Variants in NELL2 observed in about 807,000 individuals in gnomAD.
NELL2 encodes neural EGFL like 2, also known as protein kinase C-binding protein NELL2.
NELL2 carries 41 observed loss-of-function variants against 109.6 expected under a neutral mutation model. The observed-to-expected ratio is 0.37, with a 90% CI of 0.29 to 0.49. The LOEUF (loss-of-function observed/expected upper bound fraction) is 0.49, where lower values mean the gene tolerates loss of function less well. Ranked by LOEUF, NELL2 falls within the 20% of genes least tolerant of loss-of-function variation. NELL2 has a pLI of 0.98. For synonymous variants in NELL2, 355 were observed against 344.7 expected (o/e 1.03, Z -0.33); for missense variants, 900 against 1,008.3 (o/e 0.89, Z 1.45).
At chr12:44,732,144 C>A (rs896820289) in intron 9 of NELL2, among the ~76,000 whole-genome samples, 3 of 151,878 alleles carry the variant, frequency 2.0e-5, no homozygotes, top group Non-Finnish European at 2.9e-5. Context: ...TTTGTACTAT[C>A]CAAAACAATC....
At chr12:44,632,644 A>G (rs1270137979) in intron 13 of NELL2, among the ~76,000 whole-genome samples, 1 of 152,110 alleles carries the variant, frequency 6.6e-6, no homozygotes. Context: ...AAAAAAAATC[A>G]GATTAATTAA....
chr12:44,730,073 G>A (rs191408936), intron 9 of NELL2, among the ~76,000 whole-genome samples: 38 of 152,006 alleles, frequency 2.5e-4, no homozygotes, highest in Non-Finnish European at 4.7e-4. Context: ...AAGACAAGAG[G>A]GTTTATATAC....
intron 9 of NELL2, among the ~76,000 whole-genome samples, chr12:44,739,945 C>T (rs1424765940): frequency 6.6e-6 from 1 of 152,158 alleles, no homozygotes; most frequent in African/African-American, 2.4e-5. Flanking sequence ...CATGATCATT[C>T]ATTTTCATTT....
chr12:44,914,994 C>T (rs1945817349), upstream of NELL2, among the ~76,000 whole-genome samples: 1 of 151,206 alleles, frequency 6.6e-6, no homozygotes, highest in Admixed American at 6.6e-5. Context: ...GGACTACAGG[C>T]ACTCGCCACC....
chr12:44,622,311 T>C (rs1310318286), intron 13 of NELL2, among the ~76,000 whole-genome samples: 1 of 152,154 alleles, frequency 6.6e-6, no homozygotes, highest in Non-Finnish European at 1.5e-5. Flanking sequence ...TGTGTTTTCA[T>C]GTCAGTGCTG....
At chr12:44,692,856 T>G (rs1948941818) in intron 12 of NELL2, among the ~76,000 whole-genome samples, 1 of 152,180 alleles carries the variant, frequency 6.6e-6, no homozygotes, top group Non-Finnish European at 1.5e-5. Context: ...GAGAAATTGT[T>G]TCTTATGAAT....
At chr12:44,675,507 G>T (rs1948277396) in intron 12 of NELL2, among the ~76,000 whole-genome samples, 1 of 152,090 alleles carries the variant, frequency 6.6e-6, no homozygotes, top group Non-Finnish European at 1.5e-5. Flanking sequence ...TTAGAAACTA[G>T]AATTTATACA....
chr12:44,556,836 T>C lies in NELL2; in HGVS notation c.1664-24115A>G, dbSNP rs78429052. On this transcript the variant is annotated intron_variant, in intron 15 of 19. Coordinates refer to ENST00000429094, the MANE Select transcript of NELL2 (RefSeq NM_001145108.2). ...CCAAACAAAGGGAAGAGCCTGTGCA[T>C]GGACATGGGATGACGACAATGATGG... 4.6e-3 allele frequency among the ~76,000 whole-genome samples: 702 copies of C among 152,272 alleles called. 6 individuals carry two copies. The highest frequency in any genetic ancestry group is 0.016 in the African/African-American group (660 of 41,544).
At chr12:44,578,702 C>T (rs1360744752) in intron 15 of NELL2, among the ~76,000 whole-genome samples, 1 of 151,698 alleles carries the variant, frequency 6.6e-6, no homozygotes, top group African/African-American at 2.4e-5. Flanking sequence ...AAGAGATCCA[C>T]CCAGCAACAA....
At chr12:44,529,668 A>G (rs1941954907) in intron 16 of NELL2, among the ~76,000 whole-genome samples, 1 of 152,194 alleles carries the variant, frequency 6.6e-6, no homozygotes, top group Non-Finnish European at 1.5e-5. Context: ...TTATGTTTCG[A>G]GAGAAAGGAA....
intron 15 of NELL2, among the ~76,000 whole-genome samples, chr12:44,595,901 C>G (rs1944944897): frequency 6.6e-6 from 1 of 152,142 alleles, no homozygotes; most frequent in South Asian, 2.1e-4. Flanking sequence ...CAGCTGTTTG[C>G]TTGCCTCCTA....
At chr12:44,715,239 A>C (rs879532912) in intron 9 of NELL2, among the ~76,000 whole-genome samples, 3 of 149,906 alleles carry the variant, frequency 2.0e-5, no homozygotes, top group Non-Finnish European at 4.4e-5. Flanking sequence ...GTTTAGTGTC[A>C]TTTTATTTAT....
chr12:44,651,813 T>C (rs1180834323), intron 13 of NELL2, among the ~76,000 whole-genome samples: 1 of 152,152 alleles, frequency 6.6e-6, no homozygotes, highest in Non-Finnish European at 1.5e-5. Flanking sequence ...GCTATAAGAA[T>C]TCCTAGTATT....
At chr12:44,688,581 C>T (rs987853914) in intron 12 of NELL2, among the ~76,000 whole-genome samples, 1 of 152,158 alleles carries the variant, frequency 6.6e-6, no homozygotes, top group Non-Finnish European at 1.5e-5. Context: ...TTCGCAAGTT[C>T]CCACAGTTAG....
At chr12:44,685,317 T>G in intron 12 of NELL2, among the ~76,000 whole-genome samples, 1 of 151,990 alleles carries the variant, frequency 6.6e-6, no homozygotes, top group Non-Finnish European at 1.5e-5. Context: ...TCTCTGCACG[T>G]GAGATGGGTT....
At chr12:44,756,531 C>T (rs149648771) in intron 9 of NELL2, among the ~76,000 whole-genome samples, 44 of 152,224 alleles carry the variant, frequency 2.9e-4, no homozygotes, top group African/African-American at 1.1e-3. Flanking sequence ...CACAGCCACT[C>T]TAATCTGGCG....
intron 1 of NELL2, among the ~76,000 whole-genome samples, chr12:44,893,543 G>A (rs74907528): frequency 0.011 from 1,600 of 152,144 alleles, 31 homozygotes; most frequent in East Asian, 0.047. Context: ...GATCTGCTTG[G>A]TATCTCTTTA....
intron 2 of NELL2, among the ~76,000 whole-genome samples, chr12:44,831,641 T>A (rs1384404068): frequency 6.6e-6 from 1 of 152,174 alleles, no homozygotes; most frequent in African/African-American, 2.4e-5. Flanking sequence ...GTGATGTAAA[T>A]CCTCGCCACT....
chr12:44,661,078 A>G (rs1331694215), intron 13 of NELL2, among the ~76,000 whole-genome samples: 1 of 152,196 alleles, frequency 6.6e-6, no homozygotes, highest in African/African-American at 2.4e-5. Context: ...ACAAAATGAC[A>G]TAGTATGACT....
Sources: gnomAD v4.1 joint callset for allele counts (sites outside exome capture counted in the v4.1 genomes callset) on GRCh38, gnomAD v4.1.1 for gene constraint, MANE v1.5 for transcripts, NCBI Gene and HGNC (gene_info 2026-07-23, HGNC 2026-07-21) for gene names.